MACROD2: variants seen among roughly 807,000 people sequenced by gnomAD.
MACROD2 encodes the protein mono-ADP ribosylhydrolase 2.
Under a neutral mutation model 70.4 loss-of-function variants are expected in MACROD2, and 36 were observed. That is an observed-to-expected ratio of 0.51 (90% CI 0.39 to 0.68). The LOEUF is 0.68. Among genes scored for constraint, MACROD2 ranks in the 30% least tolerant of loss-of-function variants. The pLI, the probability that MACROD2 is intolerant of heterozygous loss-of-function variation, is 0.00. For missense variants in MACROD2, 496 were observed against 538.4 expected, an observed-to-expected ratio of 0.92 and a Z score of 0.78; for synonymous variants, 172 against 178.8, an observed-to-expected ratio of 0.96 and a Z score of 0.30.
chr20:14,281,949 A>C (rs1048704836), intron 3 of MACROD2, among the ~76,000 whole-genome samples: 1 of 150,792 alleles, frequency 6.6e-6, no homozygotes, highest in Non-Finnish European at 1.5e-5. Context: ...AAAAAAAAAA[A>C]AAGAAAAGAA....
Position 15,229,988 on chromosome 20 carries a change from C to T in MACROD2, c.467C>T (p.Ser156Phe), listed in dbSNP as rs774577026. ...ATAGCCAGGGGCCATATTAATGGTTCCCACAAGGAAGACCTTGCAAATTGC... is the reference window on the plus strand; with the variant it reads ...ATAGCCAGGGGCCATATTAATGGTTTCCACAAGGAAGACCTTGCAAATTGC... ...GPIARGHING[S>F]HKEDLANCYK... The change falls in exon 6 of 18, where the codon TCC becomes TTC. Residue 156 changes from serine (S) to phenylalanine (F), a missense_variant. Physicochemically the swap from Ser to Phe is radical, Grantham distance 155 (BLOSUM62 -2). Coordinates refer to ENST00000684519, the MANE Select transcript of MACROD2 (RefSeq NM_001351661.2). 2 of 1,613,598 alleles carry T rather than the reference C, an allele frequency of 1.2e-6. No individual in the cohort carries two copies. The highest frequency in any genetic ancestry group is 1.7e-6 in the Non-Finnish European group (2 of 1,179,612).
chr20:15,567,027 C>G (rs1432677938), intron 8 of MACROD2, among the ~76,000 whole-genome samples: 2 of 150,534 alleles, frequency 1.3e-5, no homozygotes, highest in Admixed American at 6.6e-5. Context: ...TTGTATTTTA[C>G]TAAGCAGATT....
chr20:15,891,494 A>T (rs1323756055), intron 10 of MACROD2, among the ~76,000 whole-genome samples: 1 of 152,172 alleles, frequency 6.6e-6, no homozygotes, highest in African/African-American at 2.4e-5. Context: ...GATAGAGTGT[A>T]GAGAGTAAAG....
intron 3 of MACROD2, among the ~76,000 whole-genome samples, chr20:14,424,261 T>C (rs1316437944): frequency 6.6e-6 from 1 of 152,104 alleles, no homozygotes; most frequent in Admixed American, 6.5e-5. Flanking sequence ...AGAAAATATA[T>C]AAAATAATTG....
At chr20:14,707,925 T>C (rs1349984942) in intron 5 of MACROD2, among the ~76,000 whole-genome samples, 1 of 152,204 alleles carries the variant, frequency 6.6e-6, no homozygotes, top group Admixed American at 6.5e-5. Context: ...GCTTTCCAGA[T>C]ACATAGAGGC....
At chr20:15,764,575 C>G (rs2051491533) in intron 8 of MACROD2, among the ~76,000 whole-genome samples, 1 of 152,182 alleles carries the variant, frequency 6.6e-6, no homozygotes. Context: ...CACTCCACCT[C>G]CAATCCATGT....
intron 6 of MACROD2, among the ~76,000 whole-genome samples, chr20:15,368,927 C>G (rs944362080): frequency 2.6e-5 from 4 of 152,146 alleles, no homozygotes; most frequent in African/African-American, 9.7e-5. Flanking sequence ...CTTTTGGTAG[C>G]GGGATACGTC....
At chr20:14,801,952 A>C (rs2072581228) in intron 5 of MACROD2, among the ~76,000 whole-genome samples, 1 of 152,076 alleles carries the variant, frequency 6.6e-6, no homozygotes, top group South Asian at 2.1e-4. Flanking sequence ...TTCATCCAGA[A>C]AAGGTACAGG....
rs893850703 is a variant in MACROD2, at chr20:14,008,167, A to G, written c.163+5763A>G. ...AGGTAAAGCGTATTCAGCTAGAAAG[A>G]GAGGAAGTCAAACTATTTTTGTTTG... On this transcript the variant is annotated intron_variant, in intron 2 of 17. Coordinates refer to ENST00000684519, the MANE Select transcript of MACROD2 (RefSeq NM_001351661.2). Among the ~76,000 whole-genome samples, 4 of 152,188 alleles carry G rather than the reference A, an allele frequency of 2.6e-5. No individual in the cohort carries two copies. In the South Asian group the frequency reaches 8.3e-4, roughly 32 times the overall value.
At chr20:15,943,936 T>C (rs894935364) in intron 12 of MACROD2, among the ~76,000 whole-genome samples, 1 of 152,150 alleles carries the variant, frequency 6.6e-6, no homozygotes, top group African/African-American at 2.4e-5. Flanking sequence ...TAAAAGTCTT[T>C]ATTCTATTGC....
intron 3 of MACROD2, among the ~76,000 whole-genome samples, chr20:14,408,470 C>G (rs1456356689): frequency 6.6e-6 from 1 of 152,124 alleles, no homozygotes; most frequent in Non-Finnish European, 1.5e-5. Context: ...AGTCTGATTT[C>G]CCTTTGCCAT....
intron 3 of MACROD2, among the ~76,000 whole-genome samples, chr20:14,268,552 A>G (rs1389862160): frequency 6.6e-6 from 1 of 152,118 alleles, no homozygotes; most frequent in East Asian, 1.9e-4. Context: ...TTCCAGGAAA[A>G]TTTCCATAGA....
At chr20:15,841,598 T>G (rs6079985) in intron 8 of MACROD2, among the ~76,000 whole-genome samples, 2 of 151,918 alleles carry the variant, frequency 1.3e-5, no homozygotes, top group Non-Finnish European at 2.9e-5. Context: ...GAGAACAGTA[T>G]TTACGGGATG....
At chr20:15,336,366 G>A (rs2078048003) in intron 6 of MACROD2, among the ~76,000 whole-genome samples, 2 of 131,840 alleles carry the variant, frequency 1.5e-5, no homozygotes, top group African/African-American at 2.9e-5. Context: ...TTAATTGTGT[G>A]TTTTAACCAA....
intron 5 of MACROD2, 31 bp downstream of exon 5, chr20:14,684,990 A>G (rs1158721466): frequency 2.6e-6 from 4 of 1,529,888 alleles, no homozygotes; most frequent in African/African-American, 2.7e-5. Context: ...TTTCAAAACC[A>G]GATGAGACAT....
chr20:15,114,375 T>A (rs1312799175), intron 5 of MACROD2, among the ~76,000 whole-genome samples: 1 of 152,200 alleles, frequency 6.6e-6, no homozygotes, highest in African/African-American at 2.4e-5. Flanking sequence ...CTTAGCCAGC[T>A]GGAAGAGAGA....
chr20:15,132,903 T>C (rs910920882), intron 5 of MACROD2, among the ~76,000 whole-genome samples: 2 of 152,088 alleles, frequency 1.3e-5, no homozygotes, highest in Non-Finnish European at 2.9e-5. Context: ...TTTGCATATT[T>C]GTAACATTAA....
At chr20:16,032,136 A>C (rs1170855595) in intron 15 of MACROD2, among the ~76,000 whole-genome samples, 1 of 152,164 alleles carries the variant, frequency 6.6e-6, no homozygotes, top group African/African-American at 2.4e-5. Flanking sequence ...CTATTTAGAA[A>C]TAAACGCATG....
chr20:15,751,863 A>C (rs1273478741), intron 8 of MACROD2, among the ~76,000 whole-genome samples: 1 of 150,748 alleles, frequency 6.6e-6, no homozygotes, highest in Non-Finnish European at 1.5e-5. Flanking sequence ...TTTGTGTTAG[A>C]TGCGTATGTC....
Sources: allele counts gnomAD v4.1 joint callset (sites outside exome capture counted in the v4.1 genomes callset), GRCh38; gene constraint gnomAD v4.1.1; transcripts MANE v1.5; gene names NCBI Gene and HGNC (gene_info 2026-07-23, HGNC 2026-07-21).